The following HDAC4 variants were observed in gnomAD, a reference collection of about 807,000 sequenced individuals.
HDAC4 encodes the protein histone deacetylase 4.
HDAC4 carries 16 observed loss-of-function variants against 135.1 expected under a neutral mutation model. That is an observed-to-expected ratio of 0.12 (90% CI 0.08 to 0.18). The LOEUF is 0.18. HDAC4 is among the 10% of genes least tolerant of loss of function. The pLI, the probability that HDAC4 is intolerant of heterozygous loss-of-function variation, is 1.00. For synonymous variants in HDAC4, 685 were observed against 653.4 expected (o/e 1.05, Z -0.74); for missense variants, 1,143 against 1,511.8 (o/e 0.76, Z 4.05).
chr2:239,170,750 G>A (rs376427377), intron 5 of HDAC4, among the ~76,000 whole-genome samples: 2 of 152,186 alleles, frequency 1.3e-5, no homozygotes, highest in African/African-American at 4.8e-5. Flanking sequence ...CACCAGGGCC[G>A]AGGTCAGAAA....
At chr2:239,055,255 C>T (rs527529629) in intron 24 of HDAC4, 35 of 262,060 alleles carry the variant, frequency 1.3e-4, no homozygotes, top group South Asian at 6.6e-4. Context: ...TCCAGGGCAG[C>T]GGAAGGTGGG....
rs1023645062 is a variant in HDAC4 at position 239,089,894 on chromosome 2, C to T, written c.2388+115G>A. On this transcript the variant is annotated intron_variant, in intron 18 of 26. Transcript: ENST00000543185. ...TGACAGAGTGGGGTCCACGCCTCCC[C>T]ATCACAGCCGCCTCCCAGCCTGATG... 1.0e-5 allele frequency: 8 copies of T among 797,688 alleles called. No homozygotes were observed. The African/African-American group carries it at 1.4e-4, about 13-fold the overall frequency. The allele number at this position is 797,688 out of a possible 1,614,324, so 49.4% of individuals were successfully genotyped here.
Position 239,139,711 on chromosome 2 carries a change from C to G in HDAC4, c.951G>C (p.Ala317=). 1 of 1,614,034 alleles carries G rather than the reference C, an allele frequency of 6.2e-7. No homozygotes were observed. Among genetic ancestry groups the G allele is most frequent in the Non-Finnish European group, 8.5e-7 (1 of 1,179,952 alleles). Reference sequence around the variant, plus strand: ...CCGCCGGGATGCTGGGGACGGCGGGCGCGATACCGTTCTCCGCGCTGACGC... The same window carrying G: ...CCGCCGGGATGCTGGGGACGGCGGGGGCGATACCGTTCTCCGCGCTGACGC... The part of the protein sequence containing the change: ...SGSVSAENGI[A]PAVPSIPAET... Residue 317 remains alanine, a synonymous_variant, in exon 9 of 27, where the codon GCG becomes GCC. Coordinates refer to ENST00000543185, the MANE Select transcript of HDAC4 (RefSeq NM_001378414.1). This position sits in a 1 kb window ranked among gnomAD's most constrained non-coding sequence, Gnocchi z 5.3.
At chr2:239,089,033 TAA>T (rs1349110132) in intron 18 of HDAC4, among the ~76,000 whole-genome samples, 1 of 152,032 alleles carries the variant, frequency 6.6e-6, no homozygotes, top group Non-Finnish European at 1.5e-5. Flanking sequence ...ATGGTTCAGT[TAA>T]ACAAAACGGA....
At chr2:239,055,159 G>A (rs1020583745) in intron 24 of HDAC4, 1 of 344,202 alleles carries the variant, frequency 2.9e-6, no homozygotes, top group East Asian at 7.1e-5. Flanking sequence ...CCATGAGGGG[G>A]AGTGACGCTT....
At chr2:239,077,283 C>T (rs899669016) in intron 22 of HDAC4, among the ~76,000 whole-genome samples, 3 of 152,258 alleles carry the variant, frequency 2.0e-5, no homozygotes, top group African/African-American at 2.4e-5. Flanking sequence ...TCCTTCGGGA[C>T]GGCCCTTCTC....
intron 11 of HDAC4, among the ~76,000 whole-genome samples, chr2:239,127,689 G>C (rs923904889): frequency 1.3e-5 from 2 of 152,250 alleles, no homozygotes; most frequent in African/African-American, 4.8e-5. Flanking sequence ...TGGAGGCCCT[G>C]GTGGGGGACT....
At position 239,265,371 on chromosome 2, in the gene HDAC4, G is replaced by A. The variant is rs187896532; in HGVS notation, c.23-28707C>T. 2.0e-3 allele frequency among the ~76,000 whole-genome samples: 308 copies of A among 152,350 alleles called. 2 individuals are homozygous for A. The highest frequency in any genetic ancestry group is 7.3e-3 in the African/African-American group (303 of 41,572). On this transcript the variant is annotated intron_variant, in intron 2 of 26. Coordinates refer to ENST00000543185, the MANE Select transcript of HDAC4 (RefSeq NM_001378414.1). Reference sequence around the variant, plus strand: ...AGGAAGTCAATCTTAGCCCAGCAATGGGTGTGGTTTCAAAATAAATCACTC... The same window carrying A: ...AGGAAGTCAATCTTAGCCCAGCAATAGGTGTGGTTTCAAAATAAATCACTC...
At chr2:239,094,104 C>A (rs1574998305) in intron 17 of HDAC4, 2 of 985,462 alleles carry the variant, frequency 2.0e-6, no homozygotes, top group Non-Finnish European at 2.4e-6. Context: ...GTTTCGGCTG[C>A]AGCGGCTCCT....
At chr2:239,103,038 A>G (rs1326643444) in intron 15 of HDAC4, 142 bp from the exon 16 acceptor site, 8 of 955,082 alleles carry the variant, frequency 8.4e-6, no homozygotes, top group Non-Finnish European at 1.3e-5. Context: ...GGTTACTGCA[A>G]AAGAAGAAGC....
chr2:239,399,013 T>C (rs1005016120), intron 1 of HDAC4, among the ~76,000 whole-genome samples: 2 of 152,246 alleles, frequency 1.3e-5, no homozygotes, highest in Non-Finnish European at 2.9e-5. Flanking sequence ...ATAGAAGTCT[T>C]ACAATGTGTT....
chr2:239,084,560 C>T (rs1490041550), intron 19 of HDAC4, among the ~76,000 whole-genome samples: 1 of 151,820 alleles, frequency 6.6e-6, no homozygotes, highest in Non-Finnish European at 1.5e-5. Context: ...GACATGCACA[C>T]ACCCCACACA....
At chr2:239,295,703 G>A (rs1411600297) in intron 2 of HDAC4, among the ~76,000 whole-genome samples, 1 of 152,076 alleles carries the variant, frequency 6.6e-6, no homozygotes, top group African/African-American at 2.4e-5. Flanking sequence ...TACCATTCCC[G>A]TTCAGTTTCA....
intron 1 of HDAC4, among the ~76,000 whole-genome samples, chr2:239,387,881 G>A (rs7580176): frequency 0.041 from 6,203 of 152,226 alleles, 425 homozygotes; most frequent in African/African-American, 0.14. Context: ...GGCACTAAGG[G>A]GAGTGGAAGG....
chr2:239,318,294 G>A (rs533659513), intron 2 of HDAC4, among the ~76,000 whole-genome samples: 5 of 152,234 alleles, frequency 3.3e-5, no homozygotes, highest in Non-Finnish European at 5.9e-5. Context: ...CAAGCCCAGC[G>A]GCATCACTGG....
chr2:239,126,723 G>A (rs1338075047), intron 11 of HDAC4, 29 bp from the exon 12 acceptor site: 1 of 1,607,990 alleles, frequency 6.2e-7, no homozygotes, highest in Non-Finnish European at 8.5e-7. Context: ...AGAAACAGCA[G>A]AGGGGAAGAG....
intron 2 of HDAC4, among the ~76,000 whole-genome samples, chr2:239,249,049 C>T (rs149104860): frequency 2.6e-5 from 4 of 152,340 alleles, no homozygotes; most frequent in South Asian, 4.1e-4. Context: ...AGGCGGAACA[C>T]GGCAGGGACT....
intron 3 of HDAC4, among the ~76,000 whole-genome samples, chr2:239,196,793 C>T (rs2045413824): frequency 6.6e-6 from 1 of 152,188 alleles, no homozygotes; most frequent in African/African-American, 2.4e-5. Context: ...AATGAGTGAC[C>T]TCGGGGAATC....
At chr2:239,122,484 G>A (rs138571658) in intron 12 of HDAC4, among the ~76,000 whole-genome samples, 21 of 152,352 alleles carry the variant, frequency 1.4e-4, no homozygotes, top group Admixed American at 9.1e-4. Flanking sequence ...GATGGTGTGC[G>A]TTCTCCAGAA....
Sources: gnomAD v4.1 joint callset for allele counts (sites outside exome capture counted in the v4.1 genomes callset) on GRCh38, gnomAD v4.1.1 for gene constraint, Gnocchi (gnomAD v3.1) non-coding constraint, MANE v1.5 for transcripts, NCBI Gene and HGNC (gene_info 2026-07-23, HGNC 2026-07-21) for gene names.